SERINC5: variants seen among roughly 807,000 people sequenced by gnomAD.
SERINC5 encodes serine incorporator 5.
A neutral mutation model predicts 63.1 loss-of-function variants in SERINC5; 41 were observed. That is an observed-to-expected ratio of 0.65 (90% CI 0.51 to 0.84). SERINC5 has a LOEUF of 0.84. Among genes scored for constraint, SERINC5 ranks in the 40% least tolerant of loss-of-function variants. The pLI, the probability that SERINC5 is intolerant of heterozygous loss-of-function variation, is 0.00. For synonymous variants in SERINC5, 222 were observed against 215.2 expected, an observed-to-expected ratio of 1.03 and a Z score of -0.28; for missense variants, 523 against 573.0, an observed-to-expected ratio of 0.91 and a Z score of 0.89.
chr5:80,233,625 TTAAATAGGAAGTATCCTATAAA>T (rs1203637298), intron 1 of SERINC5, among the ~76,000 whole-genome samples: 97 of 152,024 alleles, frequency 6.4e-4, no homozygotes, highest in Middle Eastern at 3.4e-3. Flanking sequence ...ACTTGTTAAT[TTAAATAGGAAGTATCCTATAAA>T]TAAATAGGAA....
intron 11 of SERINC5, among the ~76,000 whole-genome samples, chr5:80,117,081 T>C (rs1744357906): frequency 6.6e-6 from 1 of 152,182 alleles, no homozygotes; most frequent in Non-Finnish European, 1.5e-5. Context: ...TCCGCCCGCC[T>C]CAGCCTCCCA....
chr5:80,172,530 A>G (rs1413577980), intron 5 of SERINC5, among the ~76,000 whole-genome samples: 1 of 152,172 alleles, frequency 6.6e-6, no homozygotes, highest in African/African-American at 2.4e-5. Context: ...ACCCAGCTAA[A>G]ATGTTTTAAT....
chr5:80,131,430 G>T (rs111982624), intron 11 of SERINC5, among the ~76,000 whole-genome samples: 1 of 152,142 alleles, frequency 6.6e-6, no homozygotes, highest in African/African-American at 2.4e-5. Context: ...TATTAGCAGC[G>T]TGAGAACAGA....
intron 11 of SERINC5, among the ~76,000 whole-genome samples, chr5:80,121,592 C>T (rs1053116809): frequency 2.6e-5 from 4 of 152,070 alleles, no homozygotes; most frequent in Admixed American, 2.6e-4. Context: ...TATTTTACAA[C>T]TAACCTATAG....
intron 5 of SERINC5, among the ~76,000 whole-genome samples, chr5:80,171,574 T>C (rs910076780): frequency 6.6e-6 from 1 of 152,132 alleles, no homozygotes; most frequent in Non-Finnish European, 1.5e-5. Flanking sequence ...TGATCAACTG[T>C]ATGGTAGGGT....
At chr5:80,195,286 CA>C (rs35770657) in intron 2 of SERINC5, among the ~76,000 whole-genome samples, 368 of 98,604 alleles carry the variant, frequency 3.7e-3, no homozygotes, top group Admixed American at 4.2e-3. Flanking sequence ...AACTCTGTCG[CA>C]AAAAAAAAAA....
chr5:80,128,937 T>C (rs1744840288), intron 11 of SERINC5: 1 of 152,258 alleles, frequency 6.6e-6, no homozygotes, highest in Non-Finnish European at 1.5e-5. Flanking sequence ...GCTTTCTTTC[T>C]ATGTCTGTGA....
chr5:80,214,137 T>G (rs1044405981), intron 1 of SERINC5, among the ~76,000 whole-genome samples: 8 of 152,260 alleles, frequency 5.3e-5, no homozygotes, highest in African/African-American at 1.4e-4. Context: ...ACAGAAAAAT[T>G]TATGGCCATG....
intron 2 of SERINC5, 58 bp from the exon 3 acceptor site, chr5:80,178,122 C>T (rs186654595): frequency 3.3e-5 from 41 of 1,229,674 alleles, no homozygotes; most frequent in Admixed American, 2.9e-4. Flanking sequence ...TGGACTGTCA[C>T]GGAGTGTTCA....
In SERINC5 at chr5:80,132,624, CTGGCT is replaced by C. The variant is rs1344704029; in HGVS notation, c.1238+13461_1238+13465del. On this transcript the variant is annotated intron_variant, in intron 11 of 12. Transcript: ENST00000509193. Reference sequence around the variant, plus strand: ...CTTTTTTTTTTTATTTCCACCATGCCTGGCTAATTTTTAAATTTTTTGTAGAGTCA... The same window carrying C: ...CTTTTTTTTTTTATTTCCACCATGCCAATTTTTAAATTTTTTGTAGAGTCA... 5.9e-5 allele frequency among the ~76,000 whole-genome samples: 9 copies of C among 151,344 alleles called. No homozygotes were observed. The East Asian group carries it at 1.7e-3, about 29-fold the overall frequency.
At chr5:80,165,123 AATAC>A (rs966658247) in intron 7 of SERINC5, among the ~76,000 whole-genome samples, 1 of 152,054 alleles carries the variant, frequency 6.6e-6, no homozygotes, top group African/African-American at 2.4e-5. Context: ...GCCAGAAATT[AATAC>A]ATAAACAGTC....
chr5:80,128,368 CAG>C (rs1296617725), intron 11 of SERINC5: 1 of 152,236 alleles, frequency 6.6e-6, no homozygotes, highest in Non-Finnish European at 1.5e-5. Flanking sequence ...CAGAAATCCA[CAG>C]TAATCTTTGA....
chr5:80,254,047 A>G (rs553067864), intron 1 of SERINC5, among the ~76,000 whole-genome samples: 25 of 152,268 alleles, frequency 1.6e-4, no homozygotes, highest in Admixed American at 1.6e-3. Flanking sequence ...CTCCTGCCTT[A>G]GCTGTGTAGC....
At chr5:80,166,259 C>T in intron 7 of SERINC5, 124 bp downstream of exon 7, 4 of 673,874 alleles carry the variant, frequency 5.9e-6, no homozygotes, top group South Asian at 1.8e-5. Flanking sequence ...CCCTTCCCAG[C>T]CTCTGGTAAC....
intron 9 of SERINC5, among the ~76,000 whole-genome samples, chr5:80,150,506 G>C (rs1746107446): frequency 6.6e-6 from 1 of 152,116 alleles, no homozygotes; most frequent in East Asian, 1.9e-4. Flanking sequence ...TATGACCTTG[G>C]CTCACTGCAA....
At chr5:80,213,939 C>T (rs1396968343) in intron 1 of SERINC5, among the ~76,000 whole-genome samples, 1 of 152,194 alleles carries the variant, frequency 6.6e-6, no homozygotes, top group Non-Finnish European at 1.5e-5. Context: ...TCTACACTCT[C>T]TAAGCAAGAA....
intron 11 of SERINC5, among the ~76,000 whole-genome samples, chr5:80,124,759 C>T (rs188839060): frequency 7.2e-5 from 11 of 152,304 alleles, no homozygotes; most frequent in African/African-American, 2.4e-4. Flanking sequence ...ACTCTCTGTA[C>T]GTCCTGATTC....
At chr5:80,178,123 G>A (rs560940517) in intron 2 of SERINC5, 59 bp from the exon 3 acceptor site, 16 of 1,205,274 alleles carry the variant, frequency 1.3e-5, no homozygotes, top group East Asian at 7.6e-5. Context: ...GGACTGTCAC[G>A]GAGTGTTCAT....
At chr5:80,169,588 C>G in intron 5 of SERINC5, 42 bp from the exon 6 acceptor site, 1 of 1,521,806 alleles carries the variant, frequency 6.6e-7, no homozygotes, top group Non-Finnish European at 9.0e-7. Context: ...GGAGAGAAGA[C>G]AAGTCAACGA....
Sources: allele counts gnomAD v4.1 joint callset (sites outside exome capture counted in the v4.1 genomes callset), GRCh38; gene constraint gnomAD v4.1.1; transcripts MANE v1.5; gene names NCBI Gene and HGNC (gene_info 2026-07-23, HGNC 2026-07-21).